MRAS: variants seen among roughly 807,000 people sequenced by gnomAD.
The protein encoded by MRAS is ras-related protein M-Ras.
MRAS carries 4 observed loss-of-function variants against 20.9 expected under a neutral mutation model. That is an observed-to-expected ratio of 0.19 (90% CI 0.09 to 0.44). The LOEUF (loss-of-function observed/expected upper bound fraction) is 0.44, where lower values mean the gene tolerates loss of function less well. MRAS is among the 20% of genes least tolerant of loss of function. MRAS has a pLI of 0.99. For synonymous variants in MRAS, 98 were observed against 102.9 expected (o/e 0.95, Z 0.29); for missense variants, 154 against 277.5 (o/e 0.56, Z 3.16).
intron 3 of MRAS, among the ~76,000 whole-genome samples, chr3:138,397,776 C>CA: frequency 6.6e-6 from 1 of 152,240 alleles, no homozygotes; most frequent in East Asian, 1.9e-4. Context: ...GTTCCAAAGG[C>CA]AAAGTGTTAA....
At chr3:138,364,321 A>C (rs2054517718) in intron 1 of MRAS, among the ~76,000 whole-genome samples, 1 of 152,238 alleles carries the variant, frequency 6.6e-6, no homozygotes, top group Non-Finnish European at 1.5e-5. Context: ...ACTTCAAAGA[A>C]GGATGTTGAT....
In MRAS at chr3:138,358,334, C is replaced by CT. The variant is rs56330132; in HGVS notation, c.-19+9567_-19+9568insT. 4.5e-4 allele frequency among the ~76,000 whole-genome samples: 62 copies of CT among 137,152 alleles called. No individual in the cohort carries two copies. The East Asian group carries it at 8.3e-3, about 18-fold the overall frequency. 90.0% of individuals were successfully genotyped at this position (137,152 alleles called of 152,430 possible). A position where few individuals can be genotyped will look rare whatever the true frequency, so the allele number is the denominator to read the frequency against. ...CCTGGGCGACAGAACAAGACTCTCT[C>CT]AAAAAAAAAAACAAAGATATAAAGG... On this transcript the variant is annotated intron_variant, in intron 1 of 5. Coordinates refer to ENST00000423968, the MANE Select transcript of MRAS (RefSeq NM_001085049.3).
intron 5 of MRAS, 139 bp downstream of exon 5, chr3:138,400,752 C>T: frequency 1.4e-6 from 1 of 714,892 alleles, no homozygotes; most frequent in Non-Finnish European, 2.4e-6. Context: ...GATTTCTTGT[C>T]CCTCCTTCCA....
At chr3:138,388,105 G>T (rs1413224548) in intron 2 of MRAS, among the ~76,000 whole-genome samples, 1 of 152,160 alleles carries the variant, frequency 6.6e-6, no homozygotes, top group African/African-American at 2.4e-5. Flanking sequence ...TGTCCTGGCT[G>T]TCTGCACCCT....
intron 1 of MRAS, among the ~76,000 whole-genome samples, chr3:138,354,080 G>T (rs1044429469): frequency 2.6e-5 from 4 of 152,212 alleles, no homozygotes; most frequent in Non-Finnish European, 5.9e-5. Context: ...GAGCAGGGAT[G>T]GAGCAGCCTG....
chr3:138,393,243 T>A lies in MRAS; in HGVS notation c.194-4081T>A, dbSNP rs1359130256. ...TTAAACTTACCTGTTCTTTTAAAAATTTGTAGAGATGGGGTCTCACTGTGT... is the reference window on the plus strand; with the variant it reads ...TTAAACTTACCTGTTCTTTTAAAAAATTGTAGAGATGGGGTCTCACTGTGT... On this transcript the variant is annotated intron_variant, in intron 2 of 5. Coordinates refer to ENST00000423968, the MANE Select transcript of MRAS (RefSeq NM_001085049.3). Among the ~76,000 whole-genome samples the A allele has an allele frequency of 3.9e-5, 6 of 152,338 alleles. No homozygotes were observed. The East Asian group carries it at 1.2e-3, about 29-fold the overall frequency.
intron 2 of MRAS, among the ~76,000 whole-genome samples, chr3:138,374,805 C>T (rs1560173091): frequency 6.6e-6 from 1 of 152,092 alleles, no homozygotes; most frequent in Non-Finnish European, 1.5e-5. Context: ...GGATTTTGTC[C>T]AGTGCTTTTT....
At chr3:138,350,271 A>G (rs962722537) in intron 1 of MRAS, 2 of 152,182 alleles carry the variant, frequency 1.3e-5, no homozygotes, top group Admixed American at 6.5e-5. Context: ...TGTAAATCAC[A>G]TGTCCCTGCT....
intron 2 of MRAS, among the ~76,000 whole-genome samples, chr3:138,386,734 C>T (rs906438572): frequency 2.0e-5 from 3 of 152,134 alleles, no homozygotes; most frequent in African/African-American, 4.8e-5. Context: ...CTGCCCGCCT[C>T]GGCCTCCCAA....
In MRAS at chr3:138,404,911, G is replaced by C. The variant is rs1287909972; in HGVS notation, c.*2642G>C. ...TCCCGTTGGTCTTCCGGAGAATAGT[G>C]CTACCCTCACATCCCCTGGAGCACA... On this transcript the variant is annotated 3_prime_UTR_variant, in exon 6 of 6. Coordinates refer to ENST00000423968, the MANE Select transcript of MRAS (RefSeq NM_001085049.3). The C allele has an allele frequency of 1.3e-5, 2 of 152,192 alleles. No homozygotes were observed. Among genetic ancestry groups the C allele is most frequent in the East Asian group, 3.9e-4 (2 of 5,194 alleles). 9.4% of individuals were successfully genotyped at this position (152,192 alleles called of 1,614,324 possible). A position where few individuals can be genotyped will look rare whatever the true frequency, so the allele number is the denominator to read the frequency against.
chr3:138,376,167 T>C (rs2054779777), intron 2 of MRAS, among the ~76,000 whole-genome samples: 1 of 152,214 alleles, frequency 6.6e-6, no homozygotes, highest in Non-Finnish European at 1.5e-5. Flanking sequence ...ACCAAGCACC[T>C]TCCCATCTTG....
chr3:138,402,318 G>A lies in MRAS; in HGVS notation c.*49G>A. On this transcript the variant is annotated 3_prime_UTR_variant, in exon 6 of 6. Coordinates refer to ENST00000423968, the MANE Select transcript of MRAS (RefSeq NM_001085049.3). ...TGACGGTGGCCTGGCCAGCCCTCGG[G>A]ACCCCTCCCCACCTAACTGCACTGA... 6.6e-7 allele frequency: 1 copy of A among 1,508,040 alleles called. No individual in the cohort carries two copies. Among genetic ancestry groups the A allele is most frequent in the Non-Finnish European group, 9.2e-7 (1 of 1,087,202 alleles). The allele number at this position is 1,508,040 out of a possible 1,614,324, so 93.4% of individuals were successfully genotyped here. A position where few individuals can be genotyped will look rare whatever the true frequency, so the allele number is the denominator to read the frequency against.
At chr3:138,369,736 G>C (rs1000031948) in intron 1 of MRAS, among the ~76,000 whole-genome samples, 2 of 152,154 alleles carry the variant, frequency 1.3e-5, no homozygotes, top group African/African-American at 4.8e-5. Context: ...TTCAACCTCT[G>C]AGAGCAGGGT....
At chr3:138,385,954 C>G (rs142471365) in intron 2 of MRAS, among the ~76,000 whole-genome samples, 1 of 152,292 alleles carries the variant, frequency 6.6e-6, no homozygotes, top group African/African-American at 2.4e-5. Flanking sequence ...GGAGCCAGTG[C>G]TTAGCTGGAG....
intron 1 of MRAS, among the ~76,000 whole-genome samples, chr3:138,361,608 C>T (rs750516786): frequency 6.6e-6 from 1 of 152,138 alleles, no homozygotes; most frequent in Non-Finnish European, 1.5e-5. Context: ...CAGGGTTGAG[C>T]CTGAGCAGCG....
chr3:138,386,129 G>A lies in MRAS; in HGVS notation c.194-11195G>A, dbSNP rs114098230. On this transcript the variant is annotated intron_variant, in intron 2 of 5. Coordinates refer to ENST00000423968, the MANE Select transcript of MRAS (RefSeq NM_001085049.3). Reference sequence around the variant, plus strand: ...CACACGCACAGTTCAGTGGTTTTTAGTGTATTCACAGAGTTGTACAACCAC... The same window carrying A: ...CACACGCACAGTTCAGTGGTTTTTAATGTATTCACAGAGTTGTACAACCAC... Among the ~76,000 whole-genome samples the A allele has an allele frequency of 8.9e-3, 1,342 of 150,454 alleles. 15 individuals carry two copies. The highest frequency in any genetic ancestry group is 0.032 in the African/African-American group (1,298 of 40,676).
intron 5 of MRAS, 44 bp downstream of exon 5, chr3:138,400,657 G>C (rs1038777453): frequency 6.5e-7 from 1 of 1,533,696 alleles, no homozygotes; most frequent in Non-Finnish European, 9.0e-7. Context: ...CACAGCATGG[G>C]TTGGCTCCTG....
intron 1 of MRAS, among the ~76,000 whole-genome samples, chr3:138,363,543 G>C (rs1347998796): frequency 6.6e-6 from 1 of 152,084 alleles, no homozygotes; most frequent in Non-Finnish European, 1.5e-5. Context: ...AATACACACT[G>C]TGAGCCCCAC....
intron 2 of MRAS, among the ~76,000 whole-genome samples, chr3:138,382,137 C>T (rs1349712720): frequency 6.6e-6 from 1 of 152,236 alleles, no homozygotes; most frequent in Non-Finnish European, 1.5e-5. Context: ...AGCATGGCTG[C>T]TGGCCTGAGA....
Sources: allele counts gnomAD v4.1 joint callset (sites outside exome capture counted in the v4.1 genomes callset), GRCh38; gene constraint gnomAD v4.1.1; transcripts MANE v1.5; gene names NCBI Gene and HGNC (gene_info 2026-07-23, HGNC 2026-07-21).